The following ABCA8 variants were observed in gnomAD, a reference collection of about 807,000 sequenced individuals.
ABCA8 encodes ABC-type organic anion transporter ABCA8.
In ABCA8, 177 loss-of-function variants were observed where a neutral mutation model predicts 192.3. The ratio of observed to expected loss-of-function variants is 0.92; its 90% confidence interval spans 0.81 to 1.04. The LOEUF is 1.04. ABCA8 is among the 50% of genes least tolerant of loss of function. The pLI, the probability that ABCA8 is intolerant of heterozygous loss-of-function variation, is 0.00. For synonymous variants in ABCA8, 642 were observed against 690.2 expected, an observed-to-expected ratio of 0.93 and a Z score of 1.09; for missense variants, 1,915 against 1,904.8, an observed-to-expected ratio of 1.01 and a Z score of -0.10.
chr17:68,873,452 C>A (rs538446593), intron 37 of ABCA8, among the ~76,000 whole-genome samples: 3 of 152,294 alleles, frequency 2.0e-5, no homozygotes, highest in Admixed American at 2.0e-4. Flanking sequence ...TGGACATTAA[C>A]CCTTTGTCAT....
At chr17:68,902,637 C>G (rs558726652) in intron 21 of ABCA8, 76 bp downstream of exon 21, 1 of 1,243,632 alleles carries the variant, frequency 8.0e-7, no homozygotes, top group South Asian at 2.1e-5. Context: ...AAGCTATTTT[C>G]TTTCTCATGG....
At chr17:68,876,118 T>C (rs1044877540) in intron 35 of ABCA8, among the ~76,000 whole-genome samples, 1 of 152,174 alleles carries the variant, frequency 6.6e-6, no homozygotes, top group Non-Finnish European at 1.5e-5. Flanking sequence ...ATGACAACCA[T>C]GTTTACACCT....
chr17:68,936,770 G>T lies in ABCA8; in HGVS notation c.466+181C>A, dbSNP rs542908497. Among the ~76,000 whole-genome samples the T allele has an allele frequency of 2.0e-5, 3 of 151,832 alleles. No individual in the cohort carries two copies. The South Asian group carries it at 6.2e-4, about 32-fold the overall frequency. On this transcript the variant is annotated intron_variant, in intron 5 of 39. Coordinates refer to ENST00000586539, the MANE Select transcript of ABCA8 (RefSeq NM_001288985.2). Reference sequence around the variant, plus strand: ...ATGTATGTAGATAACTATATATAATGACCACTTATCGATATGTTCTTATGC... The same window carrying T: ...ATGTATGTAGATAACTATATATAATTACCACTTATCGATATGTTCTTATGC...
At chr17:68,928,943 A>G in intron 9 of ABCA8, 106 bp downstream of exon 9, 1 of 1,005,212 alleles carries the variant, frequency 9.9e-7, no homozygotes, top group Non-Finnish European at 1.3e-6. Context: ...CTTCGCTAGA[A>G]TTTTAAGCCT....
In ABCA8 at chr17:68,942,016, T is replaced by G; in HGVS notation, c.19A>C (p.Ser7Arg). The G allele has an allele frequency of 6.2e-7, 1 of 1,611,960 alleles. No homozygotes were observed. Among genetic ancestry groups the G allele is most frequent in the Non-Finnish European group, 8.5e-7 (1 of 1,178,722 alleles). MRKRKISVCQQTWALLC... is the reference protein window; with the variant it reads MRKRKIRVCQQTWALLC... Reference sequence around the variant, plus strand: ...AAGGCCCAAGTTTGTTGACACACACTGATCTTTCTCTTCCTCATCTTGTCT... The same window carrying G: ...AAGGCCCAAGTTTGTTGACACACACGGATCTTTCTCTTCCTCATCTTGTCT... The change falls in exon 3 of 40, where the codon AGT (serine) becomes CGT (arginine). Residue 7 changes from serine to arginine, a missense_variant. Ser to Arg is a moderately radical substitution (Grantham distance 110). Coordinates refer to ENST00000586539, the MANE Select transcript of ABCA8 (RefSeq NM_001288985.2).
chr17:68,922,208 T>TACC (rs1443533210), intron 12 of ABCA8, 34 bp downstream of exon 12: 6 of 69,538 alleles, frequency 8.6e-5, no homozygotes, highest in South Asian at 6.1e-4. Flanking sequence ...TTTTTTTTTT[T>TACC]TTTTTTTTTT....
chr17:68,895,193 T>C (rs1305000044), intron 21 of ABCA8, among the ~76,000 whole-genome samples, 180 bp from the exon 22 acceptor site: 4 of 152,230 alleles, frequency 2.6e-5, no homozygotes, highest in African/African-American at 9.6e-5. Flanking sequence ...TATTTTTATT[T>C]GCTTATGATT....
At chr17:68,926,032 G>T (rs764983914) in intron 10 of ABCA8, among the ~76,000 whole-genome samples, 5 of 151,530 alleles carry the variant, frequency 3.3e-5, no homozygotes, top group African/African-American at 4.9e-5. Context: ...ATATTTTTGT[G>T]ACATAATGTT....
In ABCA8 at chr17:68,932,338, T is replaced by C; in HGVS notation, c.747A>G (p.Lys249=). The C allele has an allele frequency of 6.2e-7, 1 of 1,614,172 alleles. No homozygotes were observed. The highest frequency in any genetic ancestry group is 1.1e-5 in the South Asian group (1 of 91,078). ...TCATTGTCATCAAGGCCTTCATCCT[T>C]TTCCTCTCTCTTGTGACATTAACAG... The part of the protein sequence containing the change: ...YASVNVTRER[K]RMKALMTMMG... Residue 249 remains lysine (K), a synonymous_variant, in exon 7 of 40, where the codon AAA becomes AAG. Coordinates refer to ENST00000586539, the MANE Select transcript of ABCA8 (RefSeq NM_001288985.2).
intron 37 of ABCA8, among the ~76,000 whole-genome samples, chr17:68,871,590 G>T (rs2066056702): frequency 6.6e-6 from 1 of 151,986 alleles, no homozygotes; most frequent in Non-Finnish European, 1.5e-5. Flanking sequence ...TCTTAATTGG[G>T]TTATTAGTTT....
chr17:68,897,025 G>C (rs957915082), intron 21 of ABCA8, among the ~76,000 whole-genome samples: 1 of 152,162 alleles, frequency 6.6e-6, no homozygotes, highest in African/African-American at 2.4e-5. Context: ...CCATTAGTTT[G>C]GTACTATCTG....
chr17:68,907,022 C>T (rs775207625), intron 18 of ABCA8, among the ~76,000 whole-genome samples: 1 of 152,040 alleles, frequency 6.6e-6, no homozygotes, highest in Non-Finnish European at 1.5e-5. Context: ...ATACCTCATA[C>T]AGAAAGGTAG....
At chr17:68,897,528 A>G (rs2066797289) in intron 21 of ABCA8, among the ~76,000 whole-genome samples, 2 of 152,230 alleles carry the variant, frequency 1.3e-5, no homozygotes, top group Admixed American at 1.3e-4. Flanking sequence ...GAGATAGCAA[A>G]CCTAAAAAAC....
rs2067955838 is a variant in ABCA8, at chr17:68,933,166, A to T, written c.570+2T>A. On this transcript the variant is annotated splice_donor_variant, in intron 6 of 39. Coordinates refer to ENST00000586539, the MANE Select transcript of ABCA8 (RefSeq NM_001288985.2). LOFTEE classifies it high-confidence loss of function. Reference sequence around the variant, plus strand: ...AGTTTGCTTTGAACATTTTGTACTCACTTCTATAATAGCAGCATTAATGGC... The same window carrying T: ...AGTTTGCTTTGAACATTTTGTACTCTCTTCTATAATAGCAGCATTAATGGC... The T allele has an allele frequency of 1.2e-6, 2 of 1,601,642 alleles. No individual in the cohort carries two copies. The highest frequency in any genetic ancestry group is 1.7e-6 in the Non-Finnish European group (2 of 1,171,110).
chr17:68,906,169 G>T lies in ABCA8; in HGVS notation c.2279-6C>A. On this transcript the variant is annotated splice_polypyrimidine_tract_variant and splice_region_variant and intron_variant, in intron 18 of 39. Transcript: ENST00000586539. ...ATCAAGATCCTTGTAAAGTTCTAAAGAATACATATACAGCAGTGAATTAAA... is the reference window on the plus strand; with the variant it reads ...ATCAAGATCCTTGTAAAGTTCTAAATAATACATATACAGCAGTGAATTAAA... 1 of 1,559,826 alleles carries T rather than the reference G, an allele frequency of 6.4e-7. No individual in the cohort carries two copies.
intron 7 of ABCA8, 64 bp from the exon 8 acceptor site, chr17:68,929,766 G>A: frequency 2.1e-6 from 3 of 1,421,676 alleles, no homozygotes; most frequent in African/African-American, 1.4e-5. Context: ...GACCTGAAAT[G>A]GATTCTAAGA....
rs1039202451 is a variant in ABCA8 at position 68,940,811 on chromosome 17, G to A, written c.248C>T (p.Thr83Ile). 13 of 1,613,576 alleles carry A rather than the reference G, an allele frequency of 8.1e-6. No homozygotes were observed. Among genetic ancestry groups the A allele is most frequent in the Middle Eastern group, 3.3e-4 (2 of 6,058 alleles). ...SRFSVVYTPV[T>I]NTTQQIMNKV... is the part of the protein sequence containing the mutation. The stretch of plus-strand genomic sequence containing the variant: ...ATTCATTATCTGTTGGGTCGTGTTG[G>A]TGACAGGTGTGTATACAACAGAAAA... The change falls in exon 4 of 40, where the codon ACC becomes ATC. Residue 83 changes from threonine (T) to isoleucine (I), a missense_variant. Transcript: ENST00000586539.
intron 5 of ABCA8, among the ~76,000 whole-genome samples, chr17:68,934,104 T>C (rs2067986438): frequency 6.6e-6 from 1 of 152,174 alleles, no homozygotes. Context: ...TTTAAAAAAT[T>C]AAACTCTACT....
intron 1 of ABCA8, among the ~76,000 whole-genome samples, chr17:68,952,297 C>T (rs1367829376): frequency 6.6e-6 from 1 of 152,112 alleles, no homozygotes; most frequent in African/African-American, 2.4e-5. Context: ...CGGCTCACTG[C>T]AAGCTCCGCC....
Sources: allele counts gnomAD v4.1 joint callset (sites outside exome capture counted in the v4.1 genomes callset), GRCh38; gene constraint gnomAD v4.1.1; transcripts MANE v1.5; gene names NCBI Gene and HGNC (gene_info 2026-07-23, HGNC 2026-07-21).